Variants in NINJ1 observed in about 807,000 individuals in gnomAD.
NINJ1 encodes the protein ninjurin 1.
Under a neutral mutation model 12.7 loss-of-function variants are expected in NINJ1, and 6 were observed. The ratio of observed to expected loss-of-function variants is 0.47; its 90% CI spans 0.26 to 0.93. The LOEUF (loss-of-function observed/expected upper bound fraction) is 0.93, where lower values mean the gene tolerates loss of function less well. Ranked by LOEUF, NINJ1 falls within the 40% of genes least tolerant of loss-of-function variation. NINJ1 has a pLI of 0.15. For missense variants in NINJ1, 170 were observed against 213.0 expected (o/e 0.80, Z 1.26); for synonymous variants, 100 against 96.0 (o/e 1.04, Z -0.25).
chr9:93,126,334 G>T, intron 2 of NINJ1, 76 bp downstream of exon 2: 1 of 1,297,544 alleles, frequency 7.7e-7, no homozygotes. Context: ...AAGGTGGTGG[G>T]CACCTGTCCC....
chr9:93,125,851 G>A (rs1159399088), intron 2 of NINJ1: 1 of 154,466 alleles, frequency 6.5e-6, no homozygotes, highest in Non-Finnish European at 1.4e-5. Context: ...GGGAGGTTGA[G>A]ACTGCAGTGA....
Position 93,133,447 on chromosome 9 carries a change from G to C in NINJ1, c.75+696C>G, listed in dbSNP as rs191466456. On this transcript the variant is annotated intron_variant, in intron 1 of 3. Transcript: ENST00000375446. ...AAACACAAGGTGCTCAGTAAGTGCT[G>C]AGTCCTGGGATGAAGAATTCTGAAG... Among the ~76,000 whole-genome samples the C allele has an allele frequency of 3.8e-3, 586 of 152,376 alleles. 3 individuals are homozygous for C. The highest frequency in any genetic ancestry group is 0.014 in the African/African-American group (568 of 41,582).
In NINJ1 at chr9:93,124,828, C is replaced by T. The variant is rs186754320; in HGVS notation, c.*9+71G>A. On this transcript the variant is annotated intron_variant, in intron 3 of 3. Coordinates refer to ENST00000375446, the MANE Select transcript of NINJ1 (RefSeq NM_004148.4). ...CCAAGGCTGGCCGGCCAGGGACTCA[C>T]CACACTGCAAGAGCCTCCAACAGCG... 6.7e-6 allele frequency: 10 copies of T among 1,497,674 alleles called. No individual in the cohort carries two copies. The East Asian group carries it at 2.1e-4, about 32-fold the overall frequency. 92.8% of individuals were successfully genotyped at this position (1,497,674 alleles called of 1,614,324 possible).
At chr9:93,125,222 A>G (rs1259765229) in intron 2 of NINJ1, 160 bp from the exon 3 acceptor site, 1 of 682,660 alleles carries the variant, frequency 1.5e-6, no homozygotes, top group African/African-American at 1.8e-5. Context: ...AGAGAAAAAT[A>G]CATCTGTTTT....
chr9:93,126,282 T>C (rs903432733), intron 2 of NINJ1, 128 bp downstream of exon 2: 3 of 708,682 alleles, frequency 4.2e-6, no homozygotes, highest in Non-Finnish European at 2.3e-6. Context: ...GTCTGGGTGA[T>C]GAGGGCCAGG....
At chr9:93,124,812 G>A (rs114674792) in intron 3 of NINJ1, 87 bp downstream of exon 3, 1 of 1,423,690 alleles carries the variant, frequency 7.0e-7, no homozygotes, top group Non-Finnish European at 9.4e-7. Flanking sequence ...TCCAAGGCTG[G>A]CCGGCCAGGG....
chr9:93,124,859 C>A (rs1016386676), intron 3 of NINJ1, 40 bp downstream of exon 3: 37 of 1,565,432 alleles, frequency 2.4e-5, no homozygotes, highest in Non-Finnish European at 3.1e-5. Flanking sequence ...CAGCGAGCAA[C>A]CCCAGGACTG....
chr9:93,129,376 G>A (rs1827858989), intron 1 of NINJ1, among the ~76,000 whole-genome samples: 1 of 152,230 alleles, frequency 6.6e-6, no homozygotes, highest in African/African-American at 2.4e-5. Context: ...GTACCACGAG[G>A]CTGTGGAGCA....
intron 1 of NINJ1, among the ~76,000 whole-genome samples, chr9:93,131,780 C>T (rs993975990): frequency 4.6e-5 from 7 of 152,226 alleles, no homozygotes; most frequent in African/African-American, 9.6e-5. Flanking sequence ...TAGGGGAGAC[C>T]TGAGAGCTTC....
intron 1 of NINJ1, among the ~76,000 whole-genome samples, chr9:93,127,298 A>G (rs1379625673): frequency 6.6e-6 from 1 of 152,182 alleles, no homozygotes; most frequent in East Asian, 1.9e-4. Flanking sequence ...TACGACATAC[A>G]GTGGAGCTTA....
At position 93,134,214 on chromosome 9, in the gene NINJ1, C is replaced by T. The variant is rs760953229; in HGVS notation, c.4G>A (p.Asp2Asn). 17 of 1,495,526 alleles carry T rather than the reference C, an allele frequency of 1.1e-5. No homozygotes were observed. Among genetic ancestry groups the T allele is most frequent in the Non-Finnish European group, 1.3e-5 (15 of 1,114,928 alleles). The allele number at this position is 1,495,526 out of a possible 1,614,324, so 92.6% of individuals were successfully genotyped here. A position where few individuals can be genotyped will look rare whatever the true frequency, so the allele number is the denominator to read the frequency against. The change falls in exon 1 of 4, where the codon GAC (aspartate) becomes AAC (asparagine). Residue 2 changes from aspartate to asparagine, a missense_variant. Asp to Asn is a conservative substitution (Grantham distance 23). Coordinates refer to ENST00000375446, the MANE Select transcript of NINJ1 (RefSeq NM_004148.4). ...AGCTCGTACTCCTCGGTTCCCGAGT[C>T]CATGGTGCGGCCGCCCAGGCCGCCA... M[D>N]SGTEEYELNG...
intron 3 of NINJ1, 63 bp downstream of exon 3, chr9:93,124,836 C>G (rs1827786268): frequency 1.3e-6 from 2 of 1,521,534 alleles, no homozygotes; most frequent in Admixed American, 2.1e-5. Flanking sequence ...CACCACACTG[C>G]AAGAGCCTCC....
intron 3 of NINJ1, 70 bp downstream of exon 3, chr9:93,124,829 C>T (rs1669703462): frequency 1.3e-6 from 2 of 1,498,628 alleles, no homozygotes; most frequent in Middle Eastern, 1.8e-4. Context: ...AGGGACTCAC[C>T]ACACTGCAAG....
intron 2 of NINJ1, chr9:93,126,171 T>C (rs1320401614): frequency 1.1e-5 from 6 of 532,810 alleles, no homozygotes; most frequent in African/African-American, 1.0e-4. Context: ...CATTCCAGCC[T>C]GGGTGACAGA....
chr9:93,126,605 T>C lies in NINJ1; in HGVS notation c.109A>G (p.Asn37Asp), dbSNP rs1827813982. Reference sequence around the variant, plus strand: ...TTCTTGCTGGCGTAATGGTTCACGTTGATGGGCCCGTGCCTCCAGCCCCAG... The same window carrying C: ...TTCTTGCTGGCGTAATGGTTCACGTCGATGGGCCCGTGCCTCCAGCCCCAG... ...ARWGWRHGPI[N>D]VNHYASKKSA... The change falls in exon 2 of 4, where the codon AAC (asparagine) becomes GAC (aspartate). Residue 37 changes from asparagine (N) to aspartate (D), a missense_variant. Asn to Asp is a conservative substitution (Grantham distance 23, BLOSUM62 1). Coordinates refer to ENST00000375446, the MANE Select transcript of NINJ1 (RefSeq NM_004148.4). The C allele has an allele frequency of 6.2e-7, 1 of 1,609,438 alleles. No individual in the cohort carries two copies. The highest frequency in any genetic ancestry group is 1.7e-5 in the Admixed American group (1 of 59,690).
intron 3 of NINJ1, among the ~76,000 whole-genome samples, chr9:93,122,869 T>C (rs557312864): frequency 6.6e-6 from 1 of 152,344 alleles, no homozygotes; most frequent in African/African-American, 2.4e-5. Flanking sequence ...TAACTCATGC[T>C]TGGGAGAGTT....
chr9:93,124,392 A>G (rs1827778916), intron 3 of NINJ1, among the ~76,000 whole-genome samples: 3 of 152,242 alleles, frequency 2.0e-5, no homozygotes, highest in Non-Finnish European at 4.4e-5. Context: ...CTCCTGCCTC[A>G]GCCTCCTGAG....
chr9:93,125,609 C>G (rs1040324417), intron 2 of NINJ1: 2 of 153,990 alleles, frequency 1.3e-5, no homozygotes, highest in South Asian at 3.9e-4. Context: ...TGACCCCACT[C>G]TGTGCTCTTT....
chr9:93,124,759 G>T, intron 3 of NINJ1, 140 bp downstream of exon 3: 2 of 885,610 alleles, frequency 2.3e-6, no homozygotes, highest in Non-Finnish European at 3.3e-6. Context: ...CCAGGCATTG[G>T]CCTTGTAGGT....
Sources: gnomAD v4.1 joint callset for allele counts (sites outside exome capture counted in the v4.1 genomes callset) on GRCh38, gnomAD v4.1.1 for gene constraint, MANE v1.5 for transcripts, NCBI Gene and HGNC (gene_info 2026-07-23, HGNC 2026-07-21) for gene names.